Variants in LRRC4C observed in about 807,000 individuals in gnomAD.
LRRC4C encodes the protein leucine-rich repeat-containing protein 4C.
A neutral mutation model predicts 33.6 loss-of-function variants in LRRC4C; 5 were observed. The observed-to-expected ratio is 0.15, with a 90% CI of 0.08 to 0.31. The LOEUF (loss-of-function observed/expected upper bound fraction) is 0.31, where lower values mean the gene tolerates loss of function less well. Ranked by LOEUF, LRRC4C falls within the 10% of genes least tolerant of loss-of-function variation. The pLI is 1.00. For synonymous variants in LRRC4C, 329 were observed against 302.0 expected (o/e 1.09, Z -0.93); for missense variants, 560 against 796.7 (o/e 0.70, Z 3.58).
At chr11:40,321,360 T>A (rs1054852966) in intron 3 of LRRC4C, among the ~76,000 whole-genome samples, 6 of 152,220 alleles carry the variant, frequency 3.9e-5, no homozygotes, top group Non-Finnish European at 8.8e-5. Context: ...TCAGATTTGT[T>A]TGCTACTATT....
At position 41,344,410 on chromosome 11, in the gene LRRC4C, C is replaced by T. The variant is rs182416876; in HGVS notation, c.-496+115021G>A. Among the ~76,000 whole-genome samples the T allele has an allele frequency of 7.2e-5, 11 of 151,980 alleles. No individual in the cohort carries two copies. In the East Asian group the frequency reaches 1.9e-3, roughly 27 times the overall value. ...TAATTTTTTGTATTTTTAGTAGAGA[C>T]GGTGTTTCACCGTGTTAGCCAGGAT... On this transcript the variant is annotated intron_variant, in intron 1 of 6. Transcript: ENST00000528697.
At chr11:40,301,201 C>T (rs1239169285) in intron 4 of LRRC4C, among the ~76,000 whole-genome samples, 1 of 152,174 alleles carries the variant, frequency 6.6e-6, no homozygotes, top group Non-Finnish European at 1.5e-5. Flanking sequence ...CTGAAAGAAA[C>T]AACGGTATGA....
In LRRC4C at chr11:40,114,558, T is replaced by G; in HGVS notation, c.1735A>C (p.Thr579Pro). Residue 579 changes from threonine to proline, a missense_variant, in exon 7 of 7, where the codon ACA (threonine) becomes CCA (proline). This residue lies in a region of LRRC4C where 103 missense variants were observed against 132.1 expected (regional missense o/e 0.78). Coordinates refer to ENST00000528697, the MANE Select transcript of LRRC4C (RefSeq NM_001258419.2). ...INVDDEITGDTPMESHLPMPA... is the reference protein window; with the variant it reads ...INVDDEITGDPPMESHLPMPA... ...ATGGGCAGGTGGCTTTCCATGGGTG[T>G]GTCTCCCGTAATCTCATCATCCACA... The G allele has an allele frequency of 6.2e-7, 1 of 1,614,174 alleles. No individual in the cohort carries two copies. The highest frequency in any genetic ancestry group is 2.2e-5 in the East Asian group (1 of 44,864).
At chr11:41,126,102 T>A (rs1426855966) in intron 1 of LRRC4C, among the ~76,000 whole-genome samples, 1 of 151,962 alleles carries the variant, frequency 6.6e-6, no homozygotes, top group Non-Finnish European at 1.5e-5. Flanking sequence ...AATACCCAGG[T>A]GATGGGTTGA....
At chr11:41,173,563 T>G (rs931139664) in intron 1 of LRRC4C, among the ~76,000 whole-genome samples, 1 of 152,136 alleles carries the variant, frequency 6.6e-6, no homozygotes, top group African/African-American at 2.4e-5. Flanking sequence ...GTTTGTTTCC[T>G]TATTGGTCTA....
intron 2 of LRRC4C, among the ~76,000 whole-genome samples, chr11:40,864,075 T>A (rs1954235310): frequency 6.6e-6 from 1 of 152,196 alleles, no homozygotes; most frequent in Admixed American, 6.5e-5. Flanking sequence ...TATTTATTTA[T>A]TTTTGTTTTT....
At chr11:41,200,930 G>A (rs1368902082) in intron 1 of LRRC4C, among the ~76,000 whole-genome samples, 1 of 152,190 alleles carries the variant, frequency 6.6e-6, no homozygotes, top group African/African-American at 2.4e-5. Flanking sequence ...GTGAAGATGT[G>A]ATGAAGAAAA....
chr11:41,373,927 T>A (rs909566985), intron 1 of LRRC4C, among the ~76,000 whole-genome samples: 2 of 152,206 alleles, frequency 1.3e-5, no homozygotes, highest in Admixed American at 6.5e-5. Context: ...GTGCCCTATT[T>A]GTTTAAAAAA....
intron 2 of LRRC4C, among the ~76,000 whole-genome samples, chr11:40,930,978 A>G (rs532111399): frequency 6.6e-6 from 1 of 152,294 alleles, no homozygotes; most frequent in East Asian, 1.9e-4. Context: ...ATGGACTGTA[A>G]GATCTCCCAA....
intron 3 of LRRC4C, among the ~76,000 whole-genome samples, chr11:40,368,332 A>G (rs147203445): frequency 1.4e-4 from 22 of 152,264 alleles, no homozygotes; most frequent in African/African-American, 5.1e-4. Context: ...CTTACTTCTT[A>G]ATCTTAGGTA....
chr11:41,027,237 A>AATG (rs1856438937), intron 1 of LRRC4C, among the ~76,000 whole-genome samples: 1 of 151,726 alleles, frequency 6.6e-6, no homozygotes, highest in Non-Finnish European at 1.5e-5. Context: ...TACTCTCAAA[A>AATG]ATGATAGCCG....
intron 3 of LRRC4C, among the ~76,000 whole-genome samples, chr11:40,566,327 G>T (rs1591126366): frequency 6.6e-6 from 1 of 151,758 alleles, no homozygotes; most frequent in African/African-American, 2.4e-5. Context: ...TTTTAGAGTT[G>T]CTCCTCGAAA....
chr11:40,927,813 T>TA (rs1957460987), intron 2 of LRRC4C, among the ~76,000 whole-genome samples: 1 of 152,218 alleles, frequency 6.6e-6, no homozygotes, highest in Admixed American at 6.5e-5. Context: ...TTTGACATAT[T>TA]ATAGTTCACT....
At chr11:40,522,230 A>T (rs1436732682) in intron 3 of LRRC4C, among the ~76,000 whole-genome samples, 1 of 152,198 alleles carries the variant, frequency 6.6e-6, no homozygotes, top group Non-Finnish European at 1.5e-5. Flanking sequence ...AGGTCTTGCC[A>T]TGTTGGCCAG....
chr11:40,544,658 A>G lies in LRRC4C; in HGVS notation c.-270+103484T>C, dbSNP rs148227553. ...TTCTTTTGGTGGCAAAGAATCACCA[A>G]ATAACACCACCAGAAGAAAATCCAT... On this transcript the variant is annotated intron_variant, in intron 3 of 6. Coordinates refer to ENST00000528697, the MANE Select transcript of LRRC4C (RefSeq NM_001258419.2). 1.2e-3 allele frequency among the ~76,000 whole-genome samples: 185 copies of G among 152,222 alleles called. 1 individual carries two copies. The highest frequency in any genetic ancestry group is 4.2e-3 in the African/African-American group (175 of 41,570).
intron 3 of LRRC4C, among the ~76,000 whole-genome samples, chr11:40,360,393 C>G (rs1374777173): frequency 1.3e-5 from 2 of 152,200 alleles, no homozygotes; most frequent in South Asian, 2.1e-4. Context: ...CACAAGAGGT[C>G]CGGGAAACTA....
intron 1 of LRRC4C, among the ~76,000 whole-genome samples, chr11:41,382,792 A>G (rs531981004): frequency 1.3e-5 from 2 of 152,260 alleles, no homozygotes; most frequent in East Asian, 3.9e-4. Context: ...TTTGGGCAAC[A>G]TAGGTTTGCA....
At chr11:41,240,676 C>G (rs1456240122) in intron 1 of LRRC4C, among the ~76,000 whole-genome samples, 1 of 152,078 alleles carries the variant, frequency 6.6e-6, no homozygotes, top group Non-Finnish European at 1.5e-5. Flanking sequence ...CATGAAGGAC[C>G]TACATGGGGA....
chr11:41,236,198 C>T (rs751239371), intron 1 of LRRC4C, among the ~76,000 whole-genome samples: 3 of 152,044 alleles, frequency 2.0e-5, no homozygotes, highest in Non-Finnish European at 4.4e-5. Flanking sequence ...TGTGGATTGA[C>T]CTCAGGTATA....
Sources: gnomAD v4.1 joint callset for allele counts (sites outside exome capture counted in the v4.1 genomes callset) on GRCh38, gnomAD v4.1.1 for gene constraint, gnomAD v4.1.1 regional missense constraint, MANE v1.5 for transcripts, NCBI Gene and HGNC (gene_info 2026-07-23, HGNC 2026-07-21) for gene names.